The following VASH2 variants were observed in gnomAD, a reference collection of about 807,000 sequenced individuals.
VASH2 encodes the protein tubulinyl-Tyr carboxypeptidase 2.
In VASH2, 28 loss-of-function variants were observed where a neutral mutation model predicts 37.2. The observed-to-expected ratio is 0.75, with a 90% CI of 0.56 to 1.03. The LOEUF is 1.03. Ranked by LOEUF, VASH2 falls within the 50% of genes least tolerant of loss-of-function variation. The pLI, the probability that VASH2 is intolerant of heterozygous loss-of-function variation, is 0.00. For missense variants in VASH2, 419 were observed against 459.1 expected, an observed-to-expected ratio of 0.91 and a Z score of 0.80; for synonymous variants, 188 against 174.7, an observed-to-expected ratio of 1.08 and a Z score of -0.60.
chr1:212,962,229 C>T (rs1004123473), intron 3 of VASH2, among the ~76,000 whole-genome samples: 3 of 152,180 alleles, frequency 2.0e-5, no homozygotes, highest in South Asian at 2.1e-4. Flanking sequence ...AGAACTCCCA[C>T]GAGCAATGCT....
rs147838895 is a variant in VASH2 at position 212,951,771 on chromosome 1, G to C, written c.229G>C (p.Gly77Arg). ...WMHVAKVHPKGGEMVGAIRNA... is the reference protein window; with the variant it reads ...WMHVAKVHPKRGEMVGAIRNA... ...GCACGTGGCCAAGGTGCACCCTAAGGGGGGAGAAATGGTGGGCGCCATCAG... is the reference window on the plus strand; with the variant it reads ...GCACGTGGCCAAGGTGCACCCTAAGCGGGGAGAAATGGTGGGCGCCATCAG... Residue 77 changes from glycine (G) to arginine (R), a missense_variant, in exon 2 of 8, where the codon GGG becomes CGG. By Grantham distance (125) the Gly-to-Arg change is moderately radical. This residue lies in a region of VASH2 where 158 missense variants were observed against 163.0 expected (regional missense o/e 0.97). Coordinates refer to ENST00000517399, the MANE Select transcript of VASH2 (RefSeq NM_001301056.2). This position sits in a 1 kb window ranked among gnomAD's most constrained non-coding sequence, Gnocchi z 4.4. 9.3e-6 allele frequency: 15 copies of C among 1,608,976 alleles called. No individual in the cohort carries two copies. The highest frequency in any genetic ancestry group is 2.7e-5 in the African/African-American group (2 of 74,930).
chr1:212,985,198 C>CTTTTTTTTTTTTTTTTTTTTTTTTT (rs55804989), intron 7 of VASH2, among the ~76,000 whole-genome samples: 7 of 100,830 alleles, frequency 6.9e-5, no homozygotes, highest in African/African-American at 1.8e-4. Flanking sequence ...ATTTTTTTTG[C>CTTTTTTTTTTTTTTTTTTTTTTTTT]TTTTTTTTTT....
intron 2 of VASH2, among the ~76,000 whole-genome samples, chr1:212,959,714 A>G (rs922301662): frequency 6.6e-6 from 1 of 152,226 alleles, no homozygotes; most frequent in Non-Finnish European, 1.5e-5. Context: ...AGAGTCAGGG[A>G]GAGAGCCTCG....
intron 5 of VASH2, 54 bp downstream of exon 5, chr1:212,966,399 T>C: frequency 6.9e-7 from 1 of 1,440,638 alleles, no homozygotes. Flanking sequence ...GGCTTCACAA[T>C]GGGGCTTGTT....
rs763490312 is a variant in VASH2, at chr1:212,966,327, A to G, written c.479A>G (p.Glu160Gly). ...GAGTCCTTGCCTATCAAATGCCTTG[A>G]AGCTGTCATCCTGGGCATGTATCCT... Reference protein sequence around the residue: ...TRESLPIKCLEAVILGIYLTN... With the variant: ...TRESLPIKCLGAVILGIYLTN... The change falls in exon 5 of 8, where the codon GAA becomes GGA. Residue 160 changes from glutamate (E) to glycine (G), a missense_variant. Coordinates refer to ENST00000517399, the MANE Select transcript of VASH2 (RefSeq NM_001301056.2). 3.9e-6 allele frequency: 6 copies of G among 1,551,740 alleles called. No homozygotes were observed. In the South Asian group the frequency reaches 7.1e-5, roughly 18 times the overall value.
intron 7 of VASH2, among the ~76,000 whole-genome samples, chr1:212,978,981 C>T (rs1667259233): frequency 6.6e-6 from 1 of 152,190 alleles, no homozygotes; most frequent in Non-Finnish European, 1.5e-5. Flanking sequence ...GAAACCTTGA[C>T]TTCTGAGTTG....
Position 212,974,204 on chromosome 1 carries a change from T to A in VASH2, c.995+134T>A. ...CAGCAATCTCCAAGAGGACTGCCCC[T>A]CATTCAGGGGACATCTGTGGAAAAG... On this transcript the variant is annotated intron_variant, in intron 7 of 7. Transcript: ENST00000517399. 3 of 1,161,498 alleles carry A rather than the reference T, an allele frequency of 2.6e-6. 1 individual carries two copies. In the South Asian group the frequency reaches 5.2e-5, roughly 20 times the overall value. 71.9% of individuals were successfully genotyped at this position (1,161,498 alleles called of 1,614,324 possible). A position where few individuals can be genotyped will look rare whatever the true frequency, so the allele number is the denominator to read the frequency against.
rs913846418 is a variant in VASH2 at position 212,991,540 on chromosome 1, T to C, written c.*2956T>C. On this transcript the variant is annotated 3_prime_UTR_variant, in exon 8 of 8. Transcript: ENST00000517399. Reference sequence around the variant, plus strand: ...AATGTTTTTCTCATCACTTGTATGTTTCTAACACAGCATGGGACTTTAATA... The same window carrying C: ...AATGTTTTTCTCATCACTTGTATGTCTCTAACACAGCATGGGACTTTAATA... The C allele has an allele frequency of 2.0e-5, 3 of 152,246 alleles. No individual in the cohort carries two copies. The East Asian group carries it at 5.8e-4, about 29-fold the overall frequency. The allele number at this position is 152,246 out of a possible 1,614,324, so 9.4% of individuals were successfully genotyped here.
intron 3 of VASH2, among the ~76,000 whole-genome samples, chr1:212,963,497 A>C (rs1572063882): frequency 6.6e-6 from 1 of 152,240 alleles, no homozygotes; most frequent in Admixed American, 6.5e-5. Flanking sequence ...GAATGTGCTC[A>C]GCTGGCGGTG....
At chr1:212,956,318 C>CA in intron 2 of VASH2, among the ~76,000 whole-genome samples, 1 of 151,872 alleles carries the variant, frequency 6.6e-6, no homozygotes, top group African/African-American at 2.4e-5. Context: ...CACTCCACTC[C>CA]CTCCTCCTGC....
intron 2 of VASH2, among the ~76,000 whole-genome samples, chr1:212,956,323 TC>T (rs1666488802): frequency 9.9e-5 from 15 of 151,878 alleles, no homozygotes; most frequent in Non-Finnish European, 1.5e-5. Flanking sequence ...CACTCCCTCC[TC>T]CTGCCCCCTA....
intron 3 of VASH2, among the ~76,000 whole-genome samples, chr1:212,964,042 G>A (rs1001981308): frequency 6.6e-6 from 1 of 152,190 alleles, no homozygotes; most frequent in Non-Finnish European, 1.5e-5. Flanking sequence ...GTTAGTTGTT[G>A]TTCTTAATGC....
At chr1:212,985,430 T>G (rs1369688386) in intron 7 of VASH2, among the ~76,000 whole-genome samples, 4 of 150,984 alleles carry the variant, frequency 2.6e-5, no homozygotes, top group Admixed American at 6.6e-5. Context: ...TTTTTTTTTT[T>G]TTTTTCTGAG....
chr1:212,967,029 G>A (rs1465250662), intron 5 of VASH2: 2 of 1,114,046 alleles, frequency 1.8e-6, no homozygotes, highest in African/African-American at 3.2e-5. Context: ...AGAGGCAGGA[G>A]CCATCGCGCC....
rs943305876 is a variant in VASH2 at position 212,990,732 on chromosome 1, C to T, written c.*2148C>T. 6.6e-6 allele frequency: 1 copy of T among 152,128 alleles called. No homozygotes were observed. Among genetic ancestry groups the T allele is most frequent in the Admixed American group, 6.6e-5 (1 of 15,266 alleles). 9.4% of individuals were successfully genotyped at this position (152,128 alleles called of 1,614,324 possible). On this transcript the variant is annotated 3_prime_UTR_variant, in exon 8 of 8. Coordinates refer to ENST00000517399, the MANE Select transcript of VASH2 (RefSeq NM_001301056.2). ...TTAGTAAGCTAATTTCTCCCACACC[C>T]GCTCCTTGATTTTTAGACTAATTTT...
rs1217566181 is a variant in VASH2, at chr1:212,972,963, TG to T, written c.879+5del. 5.6e-6 allele frequency: 9 copies of T among 1,608,924 alleles called. No homozygotes were observed. The highest frequency in any genetic ancestry group is 5.9e-6 in the Non-Finnish European group (7 of 1,179,888). On this transcript the variant is annotated splice_donor_region_variant and intron_variant, in intron 6 of 7. Transcript: ENST00000517399. ...TATGCCAGGGACATGAGAATGAAGGTGGGTGCTGGGAAGACAAGGAAGCCAT... is the reference window on the plus strand; with the variant it reads ...TATGCCAGGGACATGAGAATGAAGGTGGTGCTGGGAAGACAAGGAAGCCAT...
chr1:212,970,960 C>A (rs1432675471), intron 5 of VASH2, among the ~76,000 whole-genome samples: 1 of 152,030 alleles, frequency 6.6e-6, no homozygotes, highest in Admixed American at 6.6e-5. Flanking sequence ...AAAAGTACTC[C>A]CCATTTCCCC....
intron 7 of VASH2, among the ~76,000 whole-genome samples, chr1:212,981,950 T>C (rs1243216253): frequency 1.3e-5 from 2 of 152,234 alleles, no homozygotes; most frequent in Non-Finnish European, 2.9e-5. Flanking sequence ...GCCGAGCTCC[T>C]CCTCTGCACT....
chr1:212,974,773 G>A (rs1048119515), intron 7 of VASH2: 2 of 152,228 alleles, frequency 1.3e-5, no homozygotes, highest in African/African-American at 4.8e-5. Context: ...AGCATGCTGT[G>A]TCACCCAGCC....
Sources: gnomAD v4.1 joint callset for allele counts (sites outside exome capture counted in the v4.1 genomes callset) on GRCh38, gnomAD v4.1.1 for gene constraint, gnomAD v4.1.1 regional missense constraint, Gnocchi (gnomAD v3.1) non-coding constraint, MANE v1.5 for transcripts, NCBI Gene and HGNC (gene_info 2026-07-23, HGNC 2026-07-21) for gene names.